Variants in CCNB3 observed in about 807,000 individuals in gnomAD.
CCNB3 encodes cyclin B3, also known as G2/mitotic-specific cyclin-B3.
A neutral mutation model predicts 68.0 loss-of-function variants in CCNB3; 12 were observed. The observed-to-expected ratio is 0.18, with a 90% confidence interval of 0.11 to 0.29. The LOEUF is 0.29. Among genes scored for constraint, CCNB3 ranks in the 10% least tolerant of loss-of-function variants. The pLI, the probability that CCNB3 is intolerant of heterozygous loss-of-function variation, is 1.00. For synonymous variants in CCNB3, 354 were observed against 388.9 expected (o/e 0.91, Z 1.06); for missense variants, 904 against 993.1 (o/e 0.91, Z 1.21).
At chrX:50,226,956 G>GTATATATATAGAATATATATAC (rs1935854730) in intron 1 of CCNB3, among the ~76,000 whole-genome samples, 3 of 67,890 alleles carry the variant, frequency 4.4e-5, no homozygotes, top group African/African-American at 6.3e-5. Flanking sequence ...AATATATATA[G>GTATATATATAGAATATATATAC]TATATATATA....
intron 8 of CCNB3, among the ~76,000 whole-genome samples, chrX:50,335,433 C>CT (rs1432763597): frequency 8.9e-6 from 1 of 111,939 alleles, no homozygotes; most frequent in Non-Finnish European, 1.9e-5. Flanking sequence ...CCTGTACTGG[C>CT]TGGTAGTCCT....
Position 50,310,343 on chromosome X carries a change from T to A in CCNB3, c.2174T>A (p.Ile725Asn). Residue 725 changes from isoleucine to asparagine, a missense_variant, in exon 6 of 13, where the codon ATC becomes AAC. Transcript: ENST00000376042. ...AGCACCATGGAAGAAGAGTCCCTTA[T>A]CAATAAGCTATTGGCTCTGAAGGAG... Reference protein sequence around the residue: ...EKSTMEEESLINKLLALKEEL... With the variant: ...EKSTMEEESLNNKLLALKEEL... The A allele has an allele frequency of 8.3e-7, 1 of 1,212,023 alleles. No homozygotes were observed. Among genetic ancestry groups the A allele is most frequent in the Non-Finnish European group, 1.1e-6 (1 of 895,516 alleles).
At chrX:50,336,860 G>T (rs782005713) in intron 8 of CCNB3, among the ~76,000 whole-genome samples, 27 of 111,166 alleles carry the variant, frequency 2.4e-4, no homozygotes, top group African/African-American at 8.2e-4. Flanking sequence ...CTTAGTTGCC[G>T]CCTGGAGCAC....
chrX:50,225,717 A>G (rs988517688), intron 1 of CCNB3, among the ~76,000 whole-genome samples: 5 of 109,415 alleles, frequency 4.6e-5, no homozygotes, highest in African/African-American at 1.3e-4. Context: ...TCTGGCTTCA[A>G]TAAAAGGTTT....
chrX:50,285,379 AG>A (rs1936217309), intron 3 of CCNB3, 120 bp downstream of exon 3: 5 of 543,475 alleles, frequency 9.2e-6, no homozygotes, highest in South Asian at 2.7e-5. Flanking sequence ...GAAAGTGGGG[AG>A]GGGTGGCAGC....
chrX:50,210,929 A>G (rs1194346071), intron 1 of CCNB3, among the ~76,000 whole-genome samples: 2 of 111,504 alleles, frequency 1.8e-5, no homozygotes, highest in Non-Finnish European at 3.8e-5. Flanking sequence ...CTGTCAAACC[A>G]ACAAACTTGT....
chrX:50,299,498 C>CA (rs1175726831), intron 5 of CCNB3, among the ~76,000 whole-genome samples: 1 of 111,548 alleles, frequency 9.0e-6, no homozygotes, highest in Non-Finnish European at 1.9e-5. Flanking sequence ...GTCTGAGAGA[C>CA]AGTTTGTTAT....
In CCNB3 at chrX:50,295,541, C is replaced by T. The variant is rs192399414; in HGVS notation, c.335+548C>T. ...AATTTACCTCTAGGAAGACTTTATC[C>T]CCTCCTCATTCCGGTGGGAATTATT... On this transcript the variant is annotated intron_variant, in intron 5 of 12. Transcript: ENST00000376042. Among the ~76,000 whole-genome samples, 110 of 111,574 alleles carry T rather than the reference C, an allele frequency of 9.9e-4. 1 individual carries two copies. The highest frequency in any genetic ancestry group is 2.4e-4 in the Non-Finnish European group (13 of 53,090).
At chrX:50,221,841 C>T (rs1031111518) in intron 1 of CCNB3, among the ~76,000 whole-genome samples, 10 of 110,893 alleles carry the variant, frequency 9.0e-5, no homozygotes, top group Non-Finnish European at 1.7e-4. Flanking sequence ...TTTTCTCTCT[C>T]GTTGATTTGC....
chrX:50,283,378 G>A (rs1437311977), intron 1 of CCNB3, among the ~76,000 whole-genome samples: 1 of 111,614 alleles, frequency 9.0e-6, no homozygotes, highest in Non-Finnish European at 1.9e-5. Flanking sequence ...TGGGTAGTAA[G>A]TTACTTAACT....
chrX:50,330,075 G>A (rs1477528697), intron 8 of CCNB3, among the ~76,000 whole-genome samples: 1 of 111,600 alleles, frequency 9.0e-6, no homozygotes, highest in Middle Eastern at 4.2e-3. Context: ...TCAGCTGGGA[G>A]CATCAGTGGA....
chrX:50,321,588 T>C (rs1458526432), intron 8 of CCNB3, among the ~76,000 whole-genome samples: 3 of 111,543 alleles, frequency 2.7e-5, no homozygotes, highest in African/African-American at 9.7e-5. Context: ...TCTTTCCAAT[T>C]CTCTTCCATT....
intron 1 of CCNB3, among the ~76,000 whole-genome samples, chrX:50,226,976 T>A (rs1162483979): frequency 1.4e-5 from 1 of 70,945 alleles, no homozygotes; most frequent in East Asian, 3.8e-4. Flanking sequence ...AGAATATATA[T>A]AGTATATATA....
intron 4 of CCNB3, among the ~76,000 whole-genome samples, chrX:50,291,110 G>A (rs1232720263): frequency 9.0e-6 from 1 of 111,091 alleles, no homozygotes; most frequent in Non-Finnish European, 1.9e-5. Context: ...GCCAAAAAGA[G>A]TTAATCTGTT....
chrX:50,209,788 T>G (rs1935454406), intron 1 of CCNB3, among the ~76,000 whole-genome samples: 1 of 112,546 alleles, frequency 8.9e-6, no homozygotes, highest in African/African-American at 3.2e-5. Context: ...TTTGTTAGGC[T>G]TTTGATCTTT....
chrX:50,298,916 G>C (rs1936550979), intron 5 of CCNB3, among the ~76,000 whole-genome samples: 1 of 112,122 alleles, frequency 8.9e-6, no homozygotes, highest in Non-Finnish European at 1.9e-5. Context: ...TAGTTTATTT[G>C]TGTAGAGGTG....
At chrX:50,226,514 T>A (rs1935813111) in intron 1 of CCNB3, among the ~76,000 whole-genome samples, 2 of 53,958 alleles carry the variant, frequency 3.7e-5, no homozygotes, top group Non-Finnish European at 6.3e-5. Flanking sequence ...ATATATAGAA[T>A]ATATAGATAT....
chrX:50,323,532 G>A (rs998804694), intron 8 of CCNB3, among the ~76,000 whole-genome samples: 1 of 111,426 alleles, frequency 9.0e-6, no homozygotes, highest in African/African-American at 3.3e-5. Context: ...AAACTTGCAC[G>A]TTGTGCACAT....
chrX:50,350,216 T>C (rs1923597226), intron 11 of CCNB3, among the ~76,000 whole-genome samples: 1 of 106,832 alleles, frequency 9.4e-6, no homozygotes, highest in South Asian at 4.1e-4. Context: ...TGTTCCAGAC[T>C]CTGTTCTATG....
Sources: gnomAD v4.1 joint callset for allele counts (sites outside exome capture counted in the v4.1 genomes callset) on GRCh38, gnomAD v4.1.1 for gene constraint, MANE v1.5 for transcripts, NCBI Gene and HGNC (gene_info 2026-07-23, HGNC 2026-07-21) for gene names.